PPFIA2: variants seen among roughly 807,000 people sequenced by gnomAD.
PPFIA2 encodes liprin-alpha-2.
PPFIA2 carries 46 observed loss-of-function variants against 175.5 expected under a neutral mutation model. The ratio of observed to expected loss-of-function variants is 0.26; its 90% CI spans 0.21 to 0.34. The LOEUF is 0.34. Ranked by LOEUF, PPFIA2 falls within the 10% of genes least tolerant of loss-of-function variation. The pLI, the probability that PPFIA2 is intolerant of heterozygous loss-of-function variation, is 1.00. For missense variants in PPFIA2, 1,179 were observed against 1,506.1 expected, an observed-to-expected ratio of 0.78 and a Z score of 3.60; for synonymous variants, 568 against 511.4, an observed-to-expected ratio of 1.11 and a Z score of -1.49.
At chr12:81,493,762 A>G (rs914828057) in intron 4 of PPFIA2, among the ~76,000 whole-genome samples, 17 of 112,496 alleles carry the variant, frequency 1.5e-4, no homozygotes, top group Admixed American at 1.2e-3. Flanking sequence ...GTCTATATAT[A>G]TATATATATA....
chr12:81,462,513 C>A (rs1420606471), intron 4 of PPFIA2, among the ~76,000 whole-genome samples: 3 of 142,220 alleles, frequency 2.1e-5, no homozygotes, highest in African/African-American at 5.1e-5. Flanking sequence ...TGTTTCTTAC[C>A]TTTTTCACTC....
intron 4 of PPFIA2, among the ~76,000 whole-genome samples, chr12:81,564,205 C>T (rs1186238136): frequency 2.0e-5 from 3 of 152,120 alleles, no homozygotes; most frequent in African/African-American, 4.8e-5. Flanking sequence ...ACATTCATGA[C>T]ATTGATCATT....
intron 4 of PPFIA2, among the ~76,000 whole-genome samples, chr12:81,599,093 C>A (rs1311508325): frequency 6.6e-6 from 1 of 151,784 alleles, no homozygotes; most frequent in East Asian, 1.9e-4. Context: ...TCAATTTGTA[C>A]AAAAGATCAT....
intron 4 of PPFIA2, among the ~76,000 whole-genome samples, chr12:81,526,300 C>T (rs2063726627): frequency 6.6e-6 from 1 of 152,096 alleles, no homozygotes; most frequent in African/African-American, 2.4e-5. Flanking sequence ...TGCATGTGGC[C>T]CTGATTGCTA....
chr12:81,436,344 A>C (rs2049024380), intron 7 of PPFIA2, among the ~76,000 whole-genome samples: 2 of 145,252 alleles, frequency 1.4e-5, no homozygotes, highest in African/African-American at 2.5e-5. Flanking sequence ...AATCTGATGC[A>C]TCAGATAAAC....
intron 4 of PPFIA2, among the ~76,000 whole-genome samples, chr12:81,626,962 G>C (rs2062785217): frequency 6.6e-6 from 1 of 151,972 alleles, no homozygotes; most frequent in Admixed American, 6.6e-5. Flanking sequence ...AATCCATAAA[G>C]GATACTTTTT....
chr12:81,274,602 T>A (rs1216365368), intron 28 of PPFIA2, among the ~76,000 whole-genome samples: 1 of 152,146 alleles, frequency 6.6e-6, no homozygotes, highest in Non-Finnish European at 1.5e-5. Flanking sequence ...TGTGTAGAAA[T>A]CTTCTTGACC....
Position 81,589,872 on chromosome 12 carries a change from T to A in PPFIA2, c.303+86919A>T, listed in dbSNP as rs1022419561. ...CGTCCAAATCCCAACCAAGGAAATA[T>A]CCAGTATTCTAACAGCAAATCCAAG... On this transcript the variant is annotated intron_variant, in intron 4 of 32. Coordinates refer to ENST00000549396, the MANE Select transcript of PPFIA2 (RefSeq NM_003625.5). 2.0e-5 allele frequency among the ~76,000 whole-genome samples: 3 copies of A among 152,104 alleles called. No individual in the cohort carries two copies. In the South Asian group the frequency reaches 6.2e-4, roughly 32 times the overall value.
intron 4 of PPFIA2, among the ~76,000 whole-genome samples, chr12:81,609,560 G>A (rs533195162): frequency 1.3e-3 from 198 of 152,184 alleles, no homozygotes; most frequent in Middle Eastern, 3.4e-3. Context: ...TTTTATTGGT[G>A]AAAAGTCTGT....
At chr12:81,750,570 G>A (rs1194467249) in intron 3 of PPFIA2, among the ~76,000 whole-genome samples, 1 of 152,236 alleles carries the variant, frequency 6.6e-6, no homozygotes, top group South Asian at 2.1e-4. Context: ...GCATTAATAA[G>A]TTAGATAATT....
At chr12:81,707,723 G>A (rs1346944971) in intron 3 of PPFIA2, among the ~76,000 whole-genome samples, 37 of 151,144 alleles carry the variant, frequency 2.4e-4, no homozygotes, top group East Asian at 1.8e-3. Flanking sequence ...ACATGCACAC[G>A]TATGTTTATT....
intron 4 of PPFIA2, among the ~76,000 whole-genome samples, chr12:81,462,879 C>T (rs959289068): frequency 2.0e-5 from 3 of 151,828 alleles, no homozygotes; most frequent in Non-Finnish European, 4.4e-5. Flanking sequence ...TTCCGTAGTG[C>T]TTTGGGCCTA....
intron 5 of PPFIA2, 69 bp downstream of exon 5, chr12:81,457,696 T>C: frequency 5.8e-6 from 5 of 864,234 alleles, no homozygotes; most frequent in Non-Finnish European, 9.0e-6. Flanking sequence ...TTTCTTCTTA[T>C]ATGTGTGTTA....
At chr12:81,283,357 A>G (rs1278598184) in intron 25 of PPFIA2, among the ~76,000 whole-genome samples, 1 of 152,078 alleles carries the variant, frequency 6.6e-6, no homozygotes, top group African/African-American at 2.4e-5. Context: ...GTGCTATAAT[A>G]AAAACTTCTG....
At chr12:81,462,674 T>C (rs2054863605) in intron 4 of PPFIA2, among the ~76,000 whole-genome samples, 1 of 149,578 alleles carries the variant, frequency 6.7e-6, no homozygotes. Flanking sequence ...CTGATCCTGG[T>C]AGTTTCTTCA....
chr12:81,584,470 C>T (rs2074889629), intron 4 of PPFIA2, among the ~76,000 whole-genome samples: 1 of 151,422 alleles, frequency 6.6e-6, no homozygotes, highest in African/African-American at 2.4e-5. Context: ...TAATAATGTG[C>T]CAAAGAAGAC....
chr12:81,351,767 T>C (rs1401200924), intron 17 of PPFIA2, among the ~76,000 whole-genome samples: 1 of 147,108 alleles, frequency 6.8e-6, no homozygotes, highest in African/African-American at 2.5e-5. Context: ...AAGACAGGCA[T>C]GGTGGCACAT....
intron 14 of PPFIA2, among the ~76,000 whole-genome samples, chr12:81,364,926 T>C (rs1041829150): frequency 6.6e-6 from 1 of 151,756 alleles, no homozygotes; most frequent in African/African-American, 2.4e-5. Context: ...TTAGGTTAGA[T>C]GGTGGTGGTG....
intron 4 of PPFIA2, among the ~76,000 whole-genome samples, chr12:81,615,762 C>CT (rs1226046073): frequency 6.6e-6 from 1 of 152,008 alleles, no homozygotes; most frequent in Non-Finnish European, 1.5e-5. Flanking sequence ...TTATGCAACA[C>CT]TTTTTTAGCA....
Sources: allele counts gnomAD v4.1 joint callset (sites outside exome capture counted in the v4.1 genomes callset), GRCh38; gene constraint gnomAD v4.1.1; transcripts MANE v1.5; gene names NCBI Gene and HGNC (gene_info 2026-07-23, HGNC 2026-07-21).